MAP3K5: variants seen among roughly 807,000 people sequenced by gnomAD.
MAP3K5 encodes the protein ASK-1.
Under a neutral mutation model 158.7 loss-of-function variants are expected in MAP3K5, and 56 were observed. The observed-to-expected ratio is 0.35, with a 90% confidence interval of 0.28 to 0.44. The LOEUF (loss-of-function observed/expected upper bound fraction) is 0.44. MAP3K5 is among the 20% of genes least tolerant of loss of function. The pLI is 1.00. For synonymous variants in MAP3K5, 579 were observed against 601.7 expected, an observed-to-expected ratio of 0.96 and a Z score of 0.55; for missense variants, 1,294 against 1,674.8, an observed-to-expected ratio of 0.77 and a Z score of 3.97.
At chr6:136,598,124 T>A (rs1775713209) in intron 21 of MAP3K5, among the ~76,000 whole-genome samples, 1 of 152,186 alleles carries the variant, frequency 6.6e-6, no homozygotes, top group Admixed American at 6.5e-5. Flanking sequence ...TGCTCCCCAC[T>A]CCAGCATCAT....
intron 9 of MAP3K5, among the ~76,000 whole-genome samples, chr6:136,658,030 A>ACTGTGATCTTTAGAAAGATCC (rs1204633889): frequency 6.6e-6 from 1 of 152,198 alleles, no homozygotes; most frequent in Non-Finnish European, 1.5e-5. Flanking sequence ...TTGAAAGATC[A>ACTGTGATCTTTAGAAAGATCC]CTGTGATCTT....
In MAP3K5 at chr6:136,567,619, T is replaced by C. The variant is rs758505107; in HGVS notation, c.3761+12A>G. On this transcript the variant is annotated intron_variant, in intron 26 of 29. Transcript: ENST00000359015. ...AAGAAAAGAAACCAACCCACGTCAG[T>C]GTAGGACTTACCTATTGGTTTCTAT... The C allele has an allele frequency of 1.2e-6, 2 of 1,611,250 alleles. No homozygotes were observed. Among genetic ancestry groups the C allele is most frequent in the East Asian group, 4.5e-5 (2 of 44,818 alleles).
intron 21 of MAP3K5, among the ~76,000 whole-genome samples, chr6:136,596,589 C>T (rs929898382): frequency 1.1e-4 from 16 of 152,278 alleles, no homozygotes; most frequent in African/African-American, 3.9e-4. Flanking sequence ...GTATATGGAA[C>T]TCACTGGGAG....
At chr6:136,577,733 T>C (rs898630587) in intron 25 of MAP3K5, among the ~76,000 whole-genome samples, 1 of 152,224 alleles carries the variant, frequency 6.6e-6, no homozygotes, top group Non-Finnish European at 1.5e-5. Flanking sequence ...ATTGCAAAGA[T>C]AGTACAAAGA....
intron 1 of MAP3K5, among the ~76,000 whole-genome samples, chr6:136,725,232 A>G (rs921497439): frequency 1.3e-5 from 2 of 152,214 alleles, no homozygotes; most frequent in African/African-American, 4.8e-5. Flanking sequence ...GAGTAGGATT[A>G]CTGGGTCATA....
chr6:136,640,855 G>A (rs2114296662), intron 12 of MAP3K5, among the ~76,000 whole-genome samples: 1 of 152,310 alleles, frequency 6.6e-6, no homozygotes, highest in Admixed American at 6.5e-5. Context: ...TGTGGAGGAG[G>A]AGGCCAGGAA....
chr6:136,611,325 T>C lies in MAP3K5; in HGVS notation c.2478A>G (p.Ser826=). The change falls in exon 18 of 30, where the codon TCA becomes TCG. Residue 826 remains serine, a synonymous_variant. Coordinates refer to ENST00000359015, the MANE Select transcript of MAP3K5 (RefSeq NM_005923.4). The stretch of plus-strand genomic sequence containing the variant: ...AGGGGTTTATGCCAGCAAGCCTCTT[T>C]GATGTTCCGAAGTCAGAGATCTTGA... ...GVLKISDFGT[S]KRLAGINPCT... The C allele has an allele frequency of 1.2e-6, 2 of 1,613,674 alleles. No homozygotes were observed. The highest frequency in any genetic ancestry group is 1.7e-5 in the Admixed American group (1 of 60,018).
chr6:136,766,650 T>G (rs894429707), intron 1 of MAP3K5, among the ~76,000 whole-genome samples: 1 of 152,112 alleles, frequency 6.6e-6, no homozygotes, highest in Non-Finnish European at 1.5e-5. Flanking sequence ...ATCTCCAAAT[T>G]TAAGGTAACA....
intron 18 of MAP3K5, among the ~76,000 whole-genome samples, chr6:136,610,558 G>C (rs1276364579): frequency 6.9e-6 from 1 of 145,010 alleles, no homozygotes; most frequent in African/African-American, 2.6e-5. Context: ...TAGGGTATGA[G>C]TAAGCATCAC....
chr6:136,747,794 G>GT (rs1205510259), intron 1 of MAP3K5, among the ~76,000 whole-genome samples: 1 of 152,202 alleles, frequency 6.6e-6, no homozygotes, highest in African/African-American at 2.4e-5. Flanking sequence ...ATGCTGCTGT[G>GT]TAGGGACCAC....
At chr6:136,678,732 T>C (rs1362022584) in intron 7 of MAP3K5, among the ~76,000 whole-genome samples, 1 of 151,752 alleles carries the variant, frequency 6.6e-6, no homozygotes, top group Non-Finnish European at 1.5e-5. Flanking sequence ...AAATAATTTT[T>C]TTTTTCTTCT....
chr6:136,590,544 CT>C (rs755166871), intron 23 of MAP3K5, among the ~76,000 whole-genome samples: 267 of 142,286 alleles, frequency 1.9e-3, no homozygotes, highest in Middle Eastern at 3.6e-3. Flanking sequence ...TTTTCTTTTT[CT>C]TTTTTTTTTT....
chr6:136,569,844 A>C (rs529439137), intron 25 of MAP3K5, among the ~76,000 whole-genome samples: 1 of 152,330 alleles, frequency 6.6e-6, no homozygotes, highest in Admixed American at 6.5e-5. Flanking sequence ...ATTGTAATTA[A>C]ATCCTTAAAC....
At chr6:136,637,239 A>G in intron 14 of MAP3K5, 86 bp downstream of exon 14, 2 of 1,295,230 alleles carry the variant, frequency 1.5e-6, no homozygotes, top group Non-Finnish European at 2.2e-6. Flanking sequence ...CCTACCCCTC[A>G]TACACCCTGC....
chr6:136,671,414 A>T (rs1038902855), intron 7 of MAP3K5, among the ~76,000 whole-genome samples: 3 of 152,204 alleles, frequency 2.0e-5, no homozygotes, highest in Non-Finnish European at 4.4e-5. Flanking sequence ...CATGAGACTA[A>T]ATTGAGTACT....
chr6:136,694,032 TA>T (rs1780497074), intron 7 of MAP3K5, 107 bp downstream of exon 7: 5 of 810,878 alleles, frequency 6.2e-6, no homozygotes, highest in Non-Finnish European at 9.5e-6. Flanking sequence ...TAGTTCATAA[TA>T]CACAATCTTA....
intron 13 of MAP3K5, 76 bp from the exon 14 acceptor site, chr6:136,637,482 T>C: frequency 3.4e-6 from 3 of 869,618 alleles, no homozygotes; most frequent in Non-Finnish European, 5.9e-6. Flanking sequence ...TCAAAGTGAC[T>C]TCAGAACCAA....
chr6:136,687,348 C>T (rs113424743), intron 7 of MAP3K5, among the ~76,000 whole-genome samples: 2,901 of 152,166 alleles, frequency 0.019, 94 homozygotes, highest in African/African-American at 0.066. Flanking sequence ...CAATACCATG[C>T]AGGACATAGG....
In MAP3K5 at chr6:136,648,478, A is replaced by G. The variant is rs1031537979; in HGVS notation, c.1788+2506T>C. Among the ~76,000 whole-genome samples the G allele has an allele frequency of 1.4e-4, 22 of 152,314 alleles. 1 individual carries two copies. The highest frequency in any genetic ancestry group is 5.1e-4 in the African/African-American group (21 of 41,568). Reference sequence around the variant, plus strand: ...ATGCTGCTCGGTATTGCTCAGTGCTACTAGATGGACTTGGTGTTGAGAGCA... The same window carrying G: ...ATGCTGCTCGGTATTGCTCAGTGCTGCTAGATGGACTTGGTGTTGAGAGCA... On this transcript the variant is annotated intron_variant, in intron 11 of 29. Transcript: ENST00000359015.
Sources: gnomAD v4.1 joint callset for allele counts (sites outside exome capture counted in the v4.1 genomes callset) on GRCh38, gnomAD v4.1.1 for gene constraint, MANE v1.5 for transcripts, NCBI Gene and HGNC (gene_info 2026-07-23, HGNC 2026-07-21) for gene names.